The following DCC variants were observed in gnomAD, a reference collection of about 807,000 sequenced individuals.
DCC encodes the protein DCC netrin 1 receptor.
A neutral mutation model predicts 172.5 loss-of-function variants in DCC; 58 were observed. The observed-to-expected ratio is 0.34, with a 90% CI of 0.27 to 0.42. The LOEUF is 0.42. Ranked by LOEUF, DCC falls within the 10% of genes least tolerant of loss-of-function variation. The pLI is 1.00. For missense variants in DCC, 1,740 were observed against 1,791.0 expected (o/e 0.97, Z 0.51); for synonymous variants, 709 against 644.5 (o/e 1.10, Z -1.52).
chr18:53,155,456 G>A (rs191878674), intron 7 of DCC, among the ~76,000 whole-genome samples: 2 of 152,246 alleles, frequency 1.3e-5, no homozygotes, highest in Admixed American at 6.5e-5. Flanking sequence ...AGAAAACAGA[G>A]TTATCACAGC....
At chr18:52,913,939 TA>T (rs1332031422) in intron 3 of DCC, among the ~76,000 whole-genome samples, 4 of 151,962 alleles carry the variant, frequency 2.6e-5, no homozygotes, top group South Asian at 2.1e-4. Context: ...TCCTGGAACA[TA>T]AAAAAAGACA....
rs760624202 is a variant in DCC, at chr18:52,906,191, C to A, written c.560C>A (p.Ser187Tyr). 2.5e-6 allele frequency: 4 copies of A among 1,614,054 alleles called. No homozygotes were observed. Among genetic ancestry groups the A allele is most frequent in the Non-Finnish European group, 3.4e-6 (4 of 1,180,030 alleles). ...GACCTGACTCCAATCCCAGGTGACTCCCGAGTGGTGGTCTTGCCCTCTGGA... is the reference window on the plus strand; with the variant it reads ...GACCTGACTCCAATCCCAGGTGACTACCGAGTGGTGGTCTTGCCCTCTGGA... ...QQDLTPIPGD[S>Y]RVVVLPSGAL... Residue 187 changes from serine (S) to tyrosine (Y), a missense_variant, in exon 3 of 29, where the codon TCC becomes TAC. Physicochemically the swap from Ser to Tyr is moderately radical, Grantham distance 144. Around this residue, in one of 2 missense-constraint regions of DCC, gnomAD observed 1,732 missense variants for 1,767.4 expected, o/e 0.98. Transcript: ENST00000442544.
intron 1 of DCC, among the ~76,000 whole-genome samples, chr18:52,478,947 A>T (rs1023738839): frequency 2.0e-5 from 3 of 152,178 alleles, no homozygotes; most frequent in African/African-American, 2.4e-5. Context: ...TGACATAGGT[A>T]ATACCATGTC....
rs141816087 is a variant in DCC at position 52,970,601 on chromosome 18, C to A, written c.985+45231C>A. 5.1e-3 allele frequency among the ~76,000 whole-genome samples: 770 copies of A among 152,160 alleles called. 5 individuals carry two copies. The highest frequency in any genetic ancestry group is 0.017 in the African/African-American group (717 of 41,528). Reference sequence around the variant, plus strand: ...TTTAAAGTTTAAAGACTACTCAAAGCATTGTTATCTACTAAATAAGTGTGG... The same window carrying A: ...TTTAAAGTTTAAAGACTACTCAAAGAATTGTTATCTACTAAATAAGTGTGG... On this transcript the variant is annotated intron_variant, in intron 5 of 28. Transcript: ENST00000442544.
At chr18:52,798,153 G>T (rs537044157) in intron 2 of DCC, among the ~76,000 whole-genome samples, 2 of 151,556 alleles carry the variant, frequency 1.3e-5, no homozygotes, top group Non-Finnish European at 2.9e-5. Context: ...TATCAGATAG[G>T]GTCTGTCAAT....
Position 52,475,894 on chromosome 18 carries a change from C to T in DCC, c.91+135016C>T, listed in dbSNP as rs115899941. 6.7e-3 allele frequency among the ~76,000 whole-genome samples: 1,021 copies of T among 152,292 alleles called. 15 individuals are homozygous for T. Among genetic ancestry groups the T allele is most frequent in the South Asian group, 0.024 (114 of 4,824 alleles). On this transcript the variant is annotated intron_variant, in intron 1 of 28. Coordinates refer to ENST00000442544, the MANE Select transcript of DCC (RefSeq NM_005215.4). ...ATTTCAACCTCCATCTGCTCCCATT[C>T]CAACTCTAGTCCATCTTCTTCACCT...
At chr18:52,534,148 A>T (rs1469795041) in intron 1 of DCC, among the ~76,000 whole-genome samples, 4 of 151,788 alleles carry the variant, frequency 2.6e-5, no homozygotes, top group African/African-American at 9.7e-5. Context: ...AATGTTTTCA[A>T]TTTTTTTTCA....
chr18:52,777,030 G>A (rs1195718018), intron 2 of DCC, among the ~76,000 whole-genome samples: 2 of 151,488 alleles, frequency 1.3e-5, no homozygotes, highest in African/African-American at 2.4e-5. Context: ...TTTTGATTTT[G>A]TTTTTCCATT....
At chr18:53,368,777 C>G (rs1010152111) in intron 15 of DCC, among the ~76,000 whole-genome samples, 2 of 151,918 alleles carry the variant, frequency 1.3e-5, no homozygotes, top group Admixed American at 6.6e-5. Flanking sequence ...TCTGGGTTCC[C>G]TATTCTATTC....
intron 2 of DCC, among the ~76,000 whole-genome samples, chr18:52,847,030 T>A (rs573881675): frequency 1.3e-5 from 2 of 152,276 alleles, no homozygotes; most frequent in Non-Finnish European, 2.9e-5. Flanking sequence ...GTAGAATGAA[T>A]CCATTTTTAA....
chr18:52,469,868 G>A (rs1397096894), intron 1 of DCC, among the ~76,000 whole-genome samples: 1 of 152,196 alleles, frequency 6.6e-6, no homozygotes, highest in African/African-American at 2.4e-5. Flanking sequence ...CAGATGAAGA[G>A]TAAAACACCA....
intron 3 of DCC, among the ~76,000 whole-genome samples, chr18:52,921,436 C>T (rs547569135): frequency 2.0e-5 from 3 of 152,136 alleles, no homozygotes; most frequent in East Asian, 1.9e-4. Context: ...TGGTGGCTCA[C>T]GCCTGTAATC....
rs2057804562 is a variant in DCC at position 53,351,407 on chromosome 18, A to ATATACAG, written c.2359+11504_2359+11505insCAGTATA. Among the ~76,000 whole-genome samples, 6 of 19,146 alleles carry ATATACAG rather than the reference A, an allele frequency of 3.1e-4. 1 individual carries two copies. Among genetic ancestry groups the ATATACAG allele is most frequent in the East Asian group, 2.4e-3 (2 of 838 alleles). The allele number at this position is 19,146 out of a possible 152,430, so 12.6% of individuals were successfully genotyped here. A position where few individuals can be genotyped will look rare whatever the true frequency, so the allele number is the denominator to read the frequency against. On this transcript the variant is annotated intron_variant, in intron 15 of 28. Transcript: ENST00000442544. The stretch of plus-strand genomic sequence containing the variant: ...CAGTATATATATATACAGTGTATAT[A>ATATACAG]TATATATATACACACTGTGTATATA...
chr18:52,383,947 CT>C (rs1985690926), intron 1 of DCC, among the ~76,000 whole-genome samples: 1 of 152,098 alleles, frequency 6.6e-6, no homozygotes, highest in Non-Finnish European at 1.5e-5. Flanking sequence ...TCACTTAGCA[CT>C]TCCTTTAAGA....
chr18:53,088,228 C>T (rs1168454814), intron 7 of DCC, among the ~76,000 whole-genome samples: 20 of 152,272 alleles, frequency 1.3e-4, no homozygotes, highest in East Asian at 3.9e-4. Context: ...ATTCCTCCTA[C>T]GCATGAGCAT....
chr18:52,652,661 C>G (rs999909957), intron 1 of DCC, among the ~76,000 whole-genome samples: 1 of 150,436 alleles, frequency 6.6e-6, no homozygotes, highest in African/African-American at 2.5e-5. Flanking sequence ...TATGTGCTCC[C>G]ATTAGTGAGC....
At chr18:53,307,827 G>T (rs2057217366) in intron 13 of DCC, among the ~76,000 whole-genome samples, 1 of 143,486 alleles carries the variant, frequency 7.0e-6, no homozygotes, top group African/African-American at 2.5e-5. Flanking sequence ...TATGAGAAAT[G>T]TAAACTCTCA....
chr18:52,944,524 GA>G (rs2040511877), intron 5 of DCC, among the ~76,000 whole-genome samples: 1 of 152,146 alleles, frequency 6.6e-6, no homozygotes, highest in Non-Finnish European at 1.5e-5. Context: ...AAAGCATATA[GA>G]AAGCCCTGAT....
intron 7 of DCC, among the ~76,000 whole-genome samples, chr18:53,074,373 C>T (rs2042696801): frequency 6.6e-6 from 1 of 152,106 alleles, no homozygotes; most frequent in African/African-American, 2.4e-5. Context: ...CATCATTGGT[C>T]CAAATGCATA....
Sources: allele counts gnomAD v4.1 joint callset (sites outside exome capture counted in the v4.1 genomes callset), GRCh38; gene constraint gnomAD v4.1.1; regional missense constraint gnomAD v4.1.1; transcripts MANE v1.5; gene names NCBI Gene and HGNC (gene_info 2026-07-23, HGNC 2026-07-21).